Variants in ESRRG observed in about 807,000 individuals in gnomAD.
ESRRG encodes estrogen-related receptor gamma.
Under a neutral mutation model 44.0 loss-of-function variants are expected in ESRRG, and 13 were observed. The observed-to-expected ratio is 0.30, with a 90% confidence interval of 0.19 to 0.47. The LOEUF is 0.47. Ranked by LOEUF, ESRRG falls within the 20% of genes least tolerant of loss-of-function variation. The pLI, the probability that ESRRG is intolerant of heterozygous loss-of-function variation, is 1.00. For synonymous variants in ESRRG, 215 were observed against 214.6 expected (o/e 1.00, Z -0.02); for missense variants, 395 against 580.6 (o/e 0.68, Z 3.29).
At chr1:216,767,595 C>G (rs1345639313) in intron 2 of ESRRG, among the ~76,000 whole-genome samples, 25 of 152,114 alleles carry the variant, frequency 1.6e-4, no homozygotes, top group Non-Finnish European at 2.9e-5. Flanking sequence ...TTTACTTAAA[C>G]AGATACAAAA....
intron 2 of ESRRG, among the ~76,000 whole-genome samples, chr1:216,876,382 G>A (rs181919557): frequency 1.2e-4 from 18 of 152,134 alleles, no homozygotes; most frequent in Non-Finnish European, 2.4e-4. Flanking sequence ...GGGCTGCCTG[G>A]GGAATGTTTT....
intron 2 of ESRRG, among the ~76,000 whole-genome samples, chr1:216,766,783 T>TA (rs928021347): frequency 2.0e-5 from 3 of 152,134 alleles, no homozygotes; most frequent in Admixed American, 2.0e-4. Flanking sequence ...TAGAAGGCTC[T>TA]ACCTTATCCA....
At chr1:216,674,393 A>T (rs2075728363) in intron 2 of ESRRG, among the ~76,000 whole-genome samples, 1 of 152,212 alleles carries the variant, frequency 6.6e-6, no homozygotes, top group Non-Finnish European at 1.5e-5. Context: ...AATCCAGTAA[A>T]TGAAAGATTT....
chr1:216,801,322 G>A (rs1576691987), intron 2 of ESRRG, among the ~76,000 whole-genome samples: 1 of 152,104 alleles, frequency 6.6e-6, no homozygotes, highest in African/African-American at 2.4e-5. Flanking sequence ...TCTGGCCTTG[G>A]CCTCCACAGT....
intron 6 of ESRRG, among the ~76,000 whole-genome samples, chr1:216,507,567 A>G (rs1002450097): frequency 6.6e-6 from 1 of 152,202 alleles, no homozygotes; most frequent in Non-Finnish European, 1.5e-5. Flanking sequence ...GTATTATCTT[A>G]GTGCTGTGTG....
At chr1:216,692,035 A>G (rs1451693098) in intron 1 of ESRRG, among the ~76,000 whole-genome samples, 1 of 152,218 alleles carries the variant, frequency 6.6e-6, no homozygotes, top group Non-Finnish European at 1.5e-5. Flanking sequence ...TAATGATAAT[A>G]GATTACTACT....
At chr1:216,903,088 T>C (rs1416450986) in intron 2 of ESRRG, among the ~76,000 whole-genome samples, 1 of 152,226 alleles carries the variant, frequency 6.6e-6, no homozygotes, top group African/African-American at 2.4e-5. Context: ...CATGTTTGTG[T>C]GTATGTGTAT....
chr1:216,877,092 T>C (rs1370778739), intron 2 of ESRRG, among the ~76,000 whole-genome samples: 1 of 151,946 alleles, frequency 6.6e-6, no homozygotes, highest in Admixed American at 6.6e-5. Context: ...AACCTTAGTC[T>C]AGTAGAAAAG....
At chr1:217,088,050 GAAA>G (rs199738951) in intron 1 of ESRRG, among the ~76,000 whole-genome samples, 1 of 143,530 alleles carries the variant, frequency 7.0e-6, no homozygotes, top group Non-Finnish European at 1.5e-5. Flanking sequence ...TGCTGGACAG[GAAA>G]AAAAAAAAAG....
At chr1:216,705,400 T>G (rs2082258086) in intron 1 of ESRRG, among the ~76,000 whole-genome samples, 1 of 152,116 alleles carries the variant, frequency 6.6e-6, no homozygotes, top group Admixed American at 6.6e-5. Context: ...AAGTCAAATG[T>G]GTTATCCCCA....
At chr1:216,937,423 G>A (rs1324334828) in intron 2 of ESRRG, among the ~76,000 whole-genome samples, 1 of 152,174 alleles carries the variant, frequency 6.6e-6, no homozygotes, top group African/African-American at 2.4e-5. Flanking sequence ...TTGCAGGTGG[G>A]TCATTAGTCA....
rs573132308 is a variant in ESRRG at position 217,005,676 on chromosome 1, G to T, written c.-105-66003C>A. The stretch of plus-strand genomic sequence containing the variant: ...AATACCATAAATTCTCCCTAACAAT[G>T]TTGTATAATAACATTAGCATTGGTT... On this transcript the variant is annotated intron_variant, in intron 1 of 7. Coordinates refer to the ESRRG transcript ENST00000359162. 3.9e-5 allele frequency among the ~76,000 whole-genome samples: 6 copies of T among 152,008 alleles called. No individual in the cohort carries two copies. In the South Asian group the frequency reaches 1.2e-3, roughly 31 times the overall value.
intron 1 of ESRRG, among the ~76,000 whole-genome samples, chr1:216,692,885 G>T (rs1227986873): frequency 3.9e-5 from 6 of 152,182 alleles, no homozygotes; most frequent in African/African-American, 9.7e-5. Flanking sequence ...ACATAGCCTA[G>T]GTGTGTAGGG....
intron 1 of ESRRG, among the ~76,000 whole-genome samples, chr1:216,681,540 A>G (rs12564130): frequency 0.19 from 29,062 of 152,146 alleles, 3,348 homozygotes; most frequent in Middle Eastern, 0.27. Flanking sequence ...AAATTTCAGG[A>G]CTTTAAAAAG....
chr1:217,134,494 G>T (rs2093019722), intron 1 of ESRRG, among the ~76,000 whole-genome samples: 1 of 152,112 alleles, frequency 6.6e-6, no homozygotes, highest in Non-Finnish European at 1.5e-5. Flanking sequence ...CCCTACCCCC[G>T]CTCTGGCCTC....
intron 6 of ESRRG, among the ~76,000 whole-genome samples, chr1:216,509,325 G>T (rs765857127): frequency 3.3e-5 from 5 of 152,178 alleles, no homozygotes; most frequent in Admixed American, 6.5e-5. Flanking sequence ...TGTATGAAAA[G>T]TATGTAGAGT....
intron 2 of ESRRG, among the ~76,000 whole-genome samples, chr1:216,874,642 A>G (rs1223028179): frequency 6.6e-6 from 1 of 152,166 alleles, no homozygotes; most frequent in Non-Finnish European, 1.5e-5. Flanking sequence ...GTGATGATTA[A>G]TATTGAGTGC....
intron 3 of ESRRG, among the ~76,000 whole-genome samples, chr1:216,600,180 G>T (rs2059009981): frequency 6.6e-6 from 1 of 152,194 alleles, no homozygotes. Flanking sequence ...TTGGCCGGGG[G>T]TTGGGGAAGG....
chr1:216,699,870 C>T (rs1431375407), intron 1 of ESRRG, among the ~76,000 whole-genome samples: 1 of 152,184 alleles, frequency 6.6e-6, no homozygotes, highest in Non-Finnish European at 1.5e-5. Flanking sequence ...TGCTGTAGAG[C>T]TTTATTGACT....
Sources: gnomAD v4.1 joint callset for allele counts (sites outside exome capture counted in the v4.1 genomes callset) on GRCh38, gnomAD v4.1.1 for gene constraint, MANE v1.5 for transcripts, NCBI Gene and HGNC (gene_info 2026-07-23, HGNC 2026-07-21) for gene names.